The following CISD1 variants were observed in gnomAD, a reference collection of about 807,000 sequenced individuals.
CISD1 encodes CDGSH iron-sulfur domain-containing protein 1.
A neutral mutation model predicts 12.0 loss-of-function variants in CISD1; 8 were observed. The observed-to-expected ratio is 0.67, with a 90% CI of 0.39 to 1.20. The LOEUF (loss-of-function observed/expected upper bound fraction) is 1.20. Ranked by LOEUF, CISD1 falls within the 50% of genes most tolerant of loss-of-function variation. CISD1 has a pLI of 0.01. For missense variants in CISD1, 107 were observed against 132.7 expected (o/e 0.81, Z 0.95); for synonymous variants, 38 against 42.2 (o/e 0.90, Z 0.39).
In CISD1 at chr10:58,288,772, A is replaced by G. The variant is rs1447141564; in HGVS notation, c.*1122A>G. The G allele has an allele frequency of 6.6e-6, 1 of 152,292 alleles. No individual in the cohort carries two copies. The highest frequency in any genetic ancestry group is 1.5e-5 in the Non-Finnish European group (1 of 67,972). 9.4% of individuals were successfully genotyped at this position (152,292 alleles called of 1,614,324 possible). On this transcript the variant is annotated 3_prime_UTR_variant, in exon 3 of 3. Transcript: ENST00000333926. Reference sequence around the variant, plus strand: ...TAAAGAGATTAGGTTTTTGAATTTCATAGGTTAGAAGGAAAATCATGGCAA... The same window carrying G: ...TAAAGAGATTAGGTTTTTGAATTTCGTAGGTTAGAAGGAAAATCATGGCAA...
chr10:58,287,687 A>C lies in CISD1; in HGVS notation c.*37A>C. 2.2e-6 allele frequency: 3 copies of C among 1,365,390 alleles called. No individual in the cohort carries two copies. Among genetic ancestry groups the C allele is most frequent in the Non-Finnish European group, 3.1e-6 (3 of 973,232 alleles). 84.6% of individuals were successfully genotyped at this position (1,365,390 alleles called of 1,614,324 possible). A position where few individuals can be genotyped will look rare whatever the true frequency, so the allele number is the denominator to read the frequency against. ...TGATGCTGCAAATCAGCTTGTCGTG[A>C]AGTTACCTGATTGTTTAATTAGAAT... On this transcript the variant is annotated 3_prime_UTR_variant, in exon 3 of 3. Coordinates refer to ENST00000333926, the MANE Select transcript of CISD1 (RefSeq NM_018464.5).
chr10:58,285,664 AAG>A (rs1839420751), intron 2 of CISD1, among the ~76,000 whole-genome samples: 1 of 152,228 alleles, frequency 6.6e-6, no homozygotes, highest in Non-Finnish European at 1.5e-5. Flanking sequence ...TAAAATCCTG[AAG>A]AGTTAAGTGA....
At chr10:58,270,889 A>G (rs1839238747) in intron 1 of CISD1, among the ~76,000 whole-genome samples, 1 of 152,002 alleles carries the variant, frequency 6.6e-6, no homozygotes, top group Non-Finnish European at 1.5e-5. Flanking sequence ...TTTGAGACAG[A>G]GTCTCACTCA....
intron 2 of CISD1, among the ~76,000 whole-genome samples, chr10:58,282,050 C>T (rs183072649): frequency 4.6e-5 from 7 of 152,134 alleles, no homozygotes; most frequent in African/African-American, 1.4e-4. Context: ...CAACCTCCAC[C>T]TTCTGGGTTC....
chr10:58,275,930 A>C (rs1215083818), intron 1 of CISD1, among the ~76,000 whole-genome samples: 2 of 152,376 alleles, frequency 1.3e-5, no homozygotes, highest in Middle Eastern at 3.4e-3. Context: ...TAGTGCAAGT[A>C]AACTATACAA....
intron 2 of CISD1, among the ~76,000 whole-genome samples, chr10:58,283,903 A>G (rs1042541668): frequency 1.3e-5 from 2 of 152,246 alleles, no homozygotes; most frequent in Admixed American, 6.5e-5. Flanking sequence ...AAACGCTGAC[A>G]TCTTAGAATA....
intron 1 of CISD1, among the ~76,000 whole-genome samples, chr10:58,273,978 A>G (rs946595334): frequency 9.2e-5 from 14 of 152,124 alleles, no homozygotes; most frequent in Non-Finnish European, 7.4e-5. Flanking sequence ...TACTAAAATT[A>G]CAAAAATTAG....
chr10:58,269,334 T>A (rs1205569799), intron 1 of CISD1, 30 bp downstream of exon 1: 1 of 1,599,938 alleles, frequency 6.3e-7, no homozygotes, highest in Admixed American at 1.7e-5. Flanking sequence ...CGGGTGAGGC[T>A]GGTGAGGCTC....
intron 1 of CISD1, among the ~76,000 whole-genome samples, chr10:58,271,496 T>G (rs1839248912): frequency 6.6e-6 from 1 of 151,970 alleles, no homozygotes; most frequent in East Asian, 1.9e-4. Flanking sequence ...GATTTAACTT[T>G]TAATGTTTAG....
At chr10:58,270,003 A>T (rs546798578) in intron 1 of CISD1, among the ~76,000 whole-genome samples, 1 of 152,312 alleles carries the variant, frequency 6.6e-6, no homozygotes, top group South Asian at 2.1e-4. Flanking sequence ...GCAGTCATTT[A>T]ATGTGGAGTT....
intron 2 of CISD1, among the ~76,000 whole-genome samples, chr10:58,278,900 GC>G (rs771908456): frequency 1.3e-5 from 2 of 152,040 alleles, no homozygotes; most frequent in African/African-American, 4.8e-5. Context: ...GGAAAAAAAG[GC>G]CCCCCCAGCT....
At chr10:58,278,238 T>C (rs1839337209) in intron 2 of CISD1, among the ~76,000 whole-genome samples, 1 of 151,992 alleles carries the variant, frequency 6.6e-6, no homozygotes, top group Non-Finnish European at 1.5e-5. Context: ...CTCTTAGCAT[T>C]CAAATAAAAT....
chr10:58,269,591 AC>A (rs1839218435), intron 1 of CISD1, among the ~76,000 whole-genome samples: 1 of 152,002 alleles, frequency 6.6e-6, no homozygotes, highest in Non-Finnish European at 1.5e-5. Context: ...TTTCTTGTTC[AC>A]CCCTAAGACG....
intron 1 of CISD1, among the ~76,000 whole-genome samples, chr10:58,276,895 C>T (rs1328818403): frequency 6.6e-6 from 1 of 151,920 alleles, no homozygotes; most frequent in Non-Finnish European, 1.5e-5. Flanking sequence ...CTTAATGTAG[C>T]TATCATCACT....
In CISD1 at chr10:58,282,666, A is replaced by G. The variant is rs547953372; in HGVS notation, c.238-4895A>G. On this transcript the variant is annotated intron_variant, in intron 2 of 2. Coordinates refer to ENST00000333926, the MANE Select transcript of CISD1 (RefSeq NM_018464.5). The stretch of plus-strand genomic sequence containing the variant: ...CTATCCATATTTGAAGTGAGAATGA[A>G]AGGAGCCAGTATAGAGGAAATGATT... Among the ~76,000 whole-genome samples the G allele has an allele frequency of 3.9e-5, 6 of 152,380 alleles. No homozygotes were observed. The East Asian group carries it at 9.7e-4, about 25-fold the overall frequency.
At chr10:58,285,484 A>G (rs1839418884) in intron 2 of CISD1, among the ~76,000 whole-genome samples, 1 of 152,226 alleles carries the variant, frequency 6.6e-6, no homozygotes, top group African/African-American at 2.4e-5. Flanking sequence ...CTTCAAAGCA[A>G]CAGTGTACCT....
chr10:58,277,093 ATT>A (rs1346234866), intron 1 of CISD1, 22 bp from the exon 2 acceptor site: 3 of 1,536,990 alleles, frequency 2.0e-6, no homozygotes, highest in Non-Finnish European at 2.6e-6. Flanking sequence ...TTTGATAATT[ATT>A]TGTTTTCCTT....
intron 1 of CISD1, among the ~76,000 whole-genome samples, chr10:58,273,082 G>A (rs1012042238): frequency 6.6e-6 from 1 of 152,040 alleles, no homozygotes; most frequent in Non-Finnish European, 1.5e-5. Flanking sequence ...ATATATACCT[G>A]AAGTTTTTTG....
At chr10:58,283,121 G>A (rs1474375532) in intron 2 of CISD1, 4 of 152,036 alleles carry the variant, frequency 2.6e-5, no homozygotes, top group African/African-American at 9.7e-5. Flanking sequence ...TTTGTCGTTG[G>A]TAGTAGGCTT....
Sources: allele counts gnomAD v4.1 joint callset (sites outside exome capture counted in the v4.1 genomes callset), GRCh38; gene constraint gnomAD v4.1.1; transcripts MANE v1.5; gene names NCBI Gene and HGNC (gene_info 2026-07-23, HGNC 2026-07-21).